PRKG1: variants seen among roughly 807,000 people sequenced by gnomAD.
PRKG1 encodes protein kinase cGMP-dependent 1.
PRKG1 carries 35 observed loss-of-function variants against 88.1 expected under a neutral mutation model. That is an observed-to-expected ratio of 0.40 (90% CI 0.30 to 0.53). PRKG1 has a LOEUF of 0.53. Among genes scored for constraint, PRKG1 ranks in the 20% least tolerant of loss-of-function variants. The pLI is 0.59. For missense variants in PRKG1, 540 were observed against 839.8 expected (o/e 0.64, Z 4.41); for synonymous variants, 303 against 292.5 (o/e 1.04, Z -0.37).
intron 2 of PRKG1, among the ~76,000 whole-genome samples, chr10:51,236,767 G>A (rs1839004042): frequency 6.6e-6 from 1 of 152,106 alleles, no homozygotes; most frequent in African/African-American, 2.4e-5. Flanking sequence ...GCCTCCCAAA[G>A]TGCTGGGATT....
At chr10:51,720,346 G>A (rs950489687) in intron 3 of PRKG1, among the ~76,000 whole-genome samples, 1 of 152,044 alleles carries the variant, frequency 6.6e-6, no homozygotes, top group African/African-American at 2.4e-5. Flanking sequence ...TCAGATCCTG[G>A]AAGGGTTATT....
At chr10:51,920,593 C>A (rs1443784319) in intron 5 of PRKG1, among the ~76,000 whole-genome samples, 1 of 152,070 alleles carries the variant, frequency 6.6e-6, no homozygotes, top group East Asian at 1.9e-4. Flanking sequence ...ATATATCTAT[C>A]TTTATATCGC....
intron 1 of PRKG1, among the ~76,000 whole-genome samples, chr10:51,132,104 TA>T (rs537947724): frequency 4.6e-5 from 7 of 151,950 alleles, no homozygotes; most frequent in African/African-American, 1.7e-4. Context: ...TTTGAAGTAT[TA>T]AAAAAAATGG....
In PRKG1 at chr10:52,034,540, C is replaced by T. The variant is rs191845703; in HGVS notation, c.763-19944C>T. On this transcript the variant is annotated intron_variant, in intron 5 of 17. Transcript: ENST00000373980. ...GGTATAAAAGGTCTAAGAATTGGGA[C>T]GACTCAGGATATCTGATTAGAGAGT... Among the ~76,000 whole-genome samples the T allele has an allele frequency of 1.4e-4, 22 of 151,884 alleles. No individual in the cohort carries two copies. In the East Asian group the frequency reaches 2.9e-3, roughly 20 times the overall value.
At chr10:51,088,327 G>T (rs1443375248) in intron 1 of PRKG1, among the ~76,000 whole-genome samples, 1 of 148,060 alleles carries the variant, frequency 6.8e-6, no homozygotes, top group Non-Finnish European at 1.5e-5. Flanking sequence ...TTTTTGGAAA[G>T]TTTATCAATG....
intron 2 of PRKG1, among the ~76,000 whole-genome samples, chr10:51,438,715 T>C (rs16918096): frequency 0.033 from 4,982 of 152,018 alleles, 90 homozygotes; most frequent in Admixed American, 0.058. Flanking sequence ...TACTTAGTTC[T>C]ACAGCTTACA....
intron 7 of PRKG1, 77 bp from the exon 8 acceptor site, chr10:52,133,763 T>C: frequency 8.1e-7 from 1 of 1,228,888 alleles, no homozygotes; most frequent in Non-Finnish European, 1.2e-6. Flanking sequence ...GTAAATTTTT[T>C]CCTGAATTAA....
At chr10:52,248,087 A>T (rs1841070963) in intron 9 of PRKG1, among the ~76,000 whole-genome samples, 1 of 152,376 alleles carries the variant, frequency 6.6e-6, no homozygotes, top group South Asian at 2.1e-4. Flanking sequence ...TTAAGGCATA[A>T]ATCGCTCATG....
intron 1 of PRKG1, among the ~76,000 whole-genome samples, chr10:51,063,830 G>A (rs1235622865): frequency 1.3e-5 from 2 of 152,104 alleles, no homozygotes; most frequent in Non-Finnish European, 2.9e-5. Context: ...GCTCAATATG[G>A]AGTAGAACAT....
intron 5 of PRKG1, among the ~76,000 whole-genome samples, chr10:51,915,202 G>A (rs773697273): frequency 3.9e-5 from 6 of 152,176 alleles, no homozygotes; most frequent in Non-Finnish European, 8.8e-5. Flanking sequence ...GCCTTAGGCG[G>A]AGTTATTGGA....
rs144871764 is a variant in PRKG1, at chr10:51,171,611, T to G, written c.478+18281T>G. ...AAGTTGCACATTTCACCTGCCTTCA[T>G]CCTCCTGTCTAGTACTTACTTACAG... On this transcript the variant is annotated intron_variant, in intron 2 of 17. Coordinates refer to ENST00000373980, the MANE Select transcript of PRKG1 (RefSeq NM_006258.4). 4.7e-3 allele frequency among the ~76,000 whole-genome samples: 710 copies of G among 152,258 alleles called. 7 individuals carry two copies. Among genetic ancestry groups the G allele is most frequent in the African/African-American group, 0.016 (657 of 41,556 alleles).
chr10:51,211,576 C>T (rs1044775196), intron 2 of PRKG1, among the ~76,000 whole-genome samples: 11 of 152,156 alleles, frequency 7.2e-5, no homozygotes, highest in Admixed American at 5.9e-4. Context: ...CCCATCGTCT[C>T]AGCCTAAAAT....
chr10:52,034,193 C>T (rs1449363685), intron 5 of PRKG1, among the ~76,000 whole-genome samples: 7 of 151,906 alleles, frequency 4.6e-5, no homozygotes, highest in African/African-American at 1.5e-4. Context: ...TTGGCTTGGG[C>T]TCAGAGGCCT....
At chr10:51,855,625 G>C (rs540551095) in intron 4 of PRKG1, among the ~76,000 whole-genome samples, 12 of 152,148 alleles carry the variant, frequency 7.9e-5, no homozygotes, top group African/African-American at 2.9e-4. Flanking sequence ...CCTATTTAAG[G>C]GACCTCATTT....
chr10:51,199,768 G>A (rs981881117), intron 2 of PRKG1, among the ~76,000 whole-genome samples: 1 of 152,162 alleles, frequency 6.6e-6, no homozygotes, highest in Non-Finnish European at 1.5e-5. Flanking sequence ...CTTCTTTCAG[G>A]TATTGGTAAT....
chr10:51,951,782 C>T (rs1238680163), intron 5 of PRKG1, among the ~76,000 whole-genome samples: 1 of 152,120 alleles, frequency 6.6e-6, no homozygotes, highest in Non-Finnish European at 1.5e-5. Context: ...TTGGAACGAA[C>T]CTCTAAGAGA....
intron 9 of PRKG1, among the ~76,000 whole-genome samples, chr10:52,176,387 T>C (rs951546179): frequency 6.6e-6 from 1 of 152,040 alleles, no homozygotes; most frequent in Non-Finnish European, 1.5e-5. Flanking sequence ...TCTTTTATTA[T>C]GCCAGTTTCA....
chr10:51,665,185 G>A (rs555273523), intron 3 of PRKG1, among the ~76,000 whole-genome samples: 1 of 152,212 alleles, frequency 6.6e-6, no homozygotes, highest in African/African-American at 2.4e-5. Flanking sequence ...GATTAGATGA[G>A]TTAAGCAAAT....
At chr10:52,057,175 A>C (rs1182377999) in intron 6 of PRKG1, among the ~76,000 whole-genome samples, 1 of 152,256 alleles carries the variant, frequency 6.6e-6, no homozygotes, top group African/African-American at 2.4e-5. Flanking sequence ...GCCAAGCTAC[A>C]AATGAAATTC....
Sources: gnomAD v4.1 joint callset for allele counts (sites outside exome capture counted in the v4.1 genomes callset) on GRCh38, gnomAD v4.1.1 for gene constraint, MANE v1.5 for transcripts, NCBI Gene and HGNC (gene_info 2026-07-23, HGNC 2026-07-21) for gene names.